MTRFR: variants seen among roughly 807,000 people sequenced by gnomAD.
MTRFR encodes the protein mitochondrial translation release factor in rescue, also known as probable peptide chain release factor C12orf65, mitochondrial.
In MTRFR, 10 loss-of-function variants were observed where a neutral mutation model predicts 11.9. The observed-to-expected ratio is 0.84, with a 90% CI of 0.52 to 1.42. The LOEUF (loss-of-function observed/expected upper bound fraction) is 1.42, where lower values mean the gene tolerates loss of function less well. Ranked by LOEUF, MTRFR falls within the 40% of genes most tolerant of loss-of-function variation. The pLI, the probability that MTRFR is intolerant of heterozygous loss-of-function variation, is 0.00. For synonymous variants in MTRFR, 77 were observed against 79.1 expected, an observed-to-expected ratio of 0.97 and a Z score of 0.14; for missense variants, 196 against 197.9, an observed-to-expected ratio of 0.99 and a Z score of 0.06.
chr12:123,239,682 G>A (rs1034258336), intron 1 of MTRFR, among the ~76,000 whole-genome samples: 3 of 152,134 alleles, frequency 2.0e-5, no homozygotes, highest in African/African-American at 7.2e-5. Context: ...GATTACAGGC[G>A]TGAGCTACCG....
chr12:123,233,200 G>C (rs968048384), upstream of MTRFR: 8 of 152,130 alleles, frequency 5.3e-5, no homozygotes, highest in Non-Finnish European at 1.2e-4. Flanking sequence ...GGCGGAGACA[G>C]CCTCGCATGG....
At chr12:123,236,993 G>A (rs947286474) in intron 1 of MTRFR, among the ~76,000 whole-genome samples, 2 of 152,148 alleles carry the variant, frequency 1.3e-5, no homozygotes, top group Non-Finnish European at 2.9e-5. Flanking sequence ...GCTGAGGCAG[G>A]AGAATTGCTT....
intron 1 of MTRFR, among the ~76,000 whole-genome samples, chr12:123,234,260 C>G (rs2047793258): frequency 6.6e-6 from 1 of 152,202 alleles, no homozygotes; most frequent in Non-Finnish European, 1.5e-5. Flanking sequence ...AGGGACTTCC[C>G]TGGCACTATC....
rs2048191631 is a variant in MTRFR, at chr12:123,257,119, G to C, written c.*88G>C. On this transcript the variant is annotated 3_prime_UTR_variant, in exon 3 of 3. Transcript: ENST00000253233. ...GAGTTCCATCACCAGCATTATTATA[G>C]TGCTTCAAAAGAAATATTTTTGATG... The C allele has an allele frequency of 1.0e-6, 1 of 999,200 alleles. No homozygotes were observed. Among genetic ancestry groups the C allele is most frequent in the African/African-American group, 1.6e-5 (1 of 61,186 alleles). 61.9% of individuals were successfully genotyped at this position (999,200 alleles called of 1,614,324 possible). A position where few individuals can be genotyped will look rare whatever the true frequency, so the allele number is the denominator to read the frequency against.
chr12:123,251,828 C>T (rs1593285751), intron 1 of MTRFR, among the ~76,000 whole-genome samples: 2 of 152,204 alleles, frequency 1.3e-5, no homozygotes, highest in East Asian at 3.9e-4. Flanking sequence ...TCTGAAGCTA[C>T]AATCTAGTCC....
At chr12:123,255,636 T>C (rs1001694098) in intron 2 of MTRFR, among the ~76,000 whole-genome samples, 1 of 152,048 alleles carries the variant, frequency 6.6e-6, no homozygotes, top group Non-Finnish European at 1.5e-5. Context: ...TTGTTTCGTT[T>C]TGTTTTTTGA....
rs2048192129 is a variant in MTRFR, at chr12:123,257,177, G to A, written c.*146G>A. On this transcript the variant is annotated 3_prime_UTR_variant, in exon 3 of 3. Transcript: ENST00000253233. ...AAGACAACAAATTTATTTAAATGGT[G>A]CACTAAACTGTAGTGAACAGAGACA... 1 of 725,166 alleles carries A rather than the reference G, an allele frequency of 1.4e-6. No individual in the cohort carries two copies. The highest frequency in any genetic ancestry group is 2.4e-6 in the Non-Finnish European group (1 of 417,354). 44.9% of individuals were successfully genotyped at this position (725,166 alleles called of 1,614,324 possible).
At chr12:123,241,407 G>A (rs11057205) in intron 1 of MTRFR, among the ~76,000 whole-genome samples, 89,547 of 151,678 alleles carry the variant, frequency 0.59, 30,651 homozygotes, top group Non-Finnish European at 0.75. Context: ...GCGTGATCTC[G>A]GCTCACTACA....
intron 2 of MTRFR, chr12:123,254,993 C>T (rs566750484): frequency 2.6e-5 from 4 of 151,478 alleles, no homozygotes; most frequent in African/African-American, 9.7e-5. Flanking sequence ...TCAGGGATCA[C>T]GAGAGAGTCC....
intron 1 of MTRFR, among the ~76,000 whole-genome samples, chr12:123,243,637 G>A (rs1040324344): frequency 1.7e-4 from 26 of 152,040 alleles, no homozygotes; most frequent in African/African-American, 4.3e-4. Flanking sequence ...CCCAGGAGGC[G>A]GAGGTTGCAG....
At chr12:123,253,107 T>TTTTTTTG (rs766114484) in intron 1 of MTRFR, among the ~76,000 whole-genome samples, 908 of 63,338 alleles carry the variant, frequency 0.014, 298 homozygotes, top group Non-Finnish European at 0.024. Flanking sequence ...TTTTTTTTTT[T>TTTTTTTG]GAGACACTGT....
chr12:123,237,775 T>C (rs1256830785), intron 1 of MTRFR, among the ~76,000 whole-genome samples: 1 of 152,234 alleles, frequency 6.6e-6, no homozygotes, highest in Non-Finnish European at 1.5e-5. Flanking sequence ...TGGTTCCATT[T>C]GAGAGGTTTC....
intron 1 of MTRFR, among the ~76,000 whole-genome samples, chr12:123,242,806 A>C (rs1484525316): frequency 2.0e-5 from 3 of 152,136 alleles, no homozygotes; most frequent in Non-Finnish European, 4.4e-5. Context: ...CCTTGGAATC[A>C]CTTCCTCTCT....
intron 1 of MTRFR, among the ~76,000 whole-genome samples, chr12:123,237,158 T>TAA (rs71440287): frequency 6.7e-6 from 1 of 149,670 alleles, no homozygotes; most frequent in Non-Finnish European, 1.5e-5. Context: ...GTTTTCTGCT[T>TAA]AAAAAAAAAT....
chr12:123,245,080 C>G (rs1361282602), intron 1 of MTRFR, among the ~76,000 whole-genome samples: 1 of 151,828 alleles, frequency 6.6e-6, no homozygotes, highest in Non-Finnish European at 1.5e-5. Context: ...TCCCGAGTAG[C>G]TGGGATTACA....
chr12:123,246,977 C>T (rs764696202), intron 1 of MTRFR, among the ~76,000 whole-genome samples: 4 of 151,870 alleles, frequency 2.6e-5, no homozygotes, highest in Non-Finnish European at 5.9e-5. Context: ...GATCCACCTG[C>T]CTCGGCCTCC....
At chr12:123,252,286 C>T (rs1036826269) in intron 1 of MTRFR, 1 of 151,932 alleles carries the variant, frequency 6.6e-6, no homozygotes, top group Non-Finnish European at 1.5e-5. Flanking sequence ...AGTAATTACT[C>T]AGATGTGGTG....
chr12:123,233,028 C>A (rs897827842), upstream of MTRFR: 1 of 152,280 alleles, frequency 6.6e-6, no homozygotes. Flanking sequence ...AGTCTCGTCT[C>A]CTGTCCCCAG....
intron 2 of MTRFR, among the ~76,000 whole-genome samples, chr12:123,255,203 T>C (rs2048170115): frequency 6.6e-6 from 1 of 152,140 alleles, no homozygotes; most frequent in Non-Finnish European, 1.5e-5. Context: ...CTAAGTGACC[T>C]GCCCAAGGTC....
Sources: allele counts gnomAD v4.1 joint callset (sites outside exome capture counted in the v4.1 genomes callset), GRCh38; gene constraint gnomAD v4.1.1; transcripts MANE v1.5; gene names NCBI Gene and HGNC (gene_info 2026-07-23, HGNC 2026-07-21).